PSMG4: variants seen among roughly 807,000 people sequenced by gnomAD.
PSMG4 encodes proteasome assembly chaperone 4.
In PSMG4, 10 loss-of-function variants were observed where a neutral mutation model predicts 11.0. The observed-to-expected ratio is 0.91, with a 90% confidence interval of 0.56 to 1.54. The LOEUF is 1.54. Ranked by LOEUF, PSMG4 falls within the 40% of genes most tolerant of loss-of-function variation. The pLI, the probability that PSMG4 is intolerant of heterozygous loss-of-function variation, is 0.00. For synonymous variants in PSMG4, 95 were observed against 71.3 expected (o/e 1.33, Z -1.68); for missense variants, 198 against 160.9 (o/e 1.23, Z -1.25).
intron 1 of PSMG4, among the ~76,000 whole-genome samples, chr6:3,260,254 C>T (rs902245088): frequency 6.8e-6 from 1 of 146,920 alleles, no homozygotes; most frequent in Non-Finnish European, 1.5e-5. Flanking sequence ...CCATCCTACT[C>T]CAGTATAACC....
intron 2 of PSMG4, chr6:3,264,343 T>G (rs552797673): frequency 2.6e-6 from 4 of 1,546,844 alleles, no homozygotes; most frequent in African/African-American, 1.4e-5. Context: ...TTCCATGTGC[T>G]CTGCGACCCC....
upstream of PSMG4, among the ~76,000 whole-genome samples, chr6:3,254,426 G>T (rs375398397): frequency 1.3e-4 from 20 of 148,212 alleles, no homozygotes; most frequent in East Asian, 1.8e-3. Context: ...GAGGAGGTAT[G>T]GCTTTGTGCT....
chr6:3,255,080 T>G (rs1389359185), upstream of PSMG4: 1 of 1,551,012 alleles, frequency 6.4e-7, no homozygotes. Flanking sequence ...ATGCTTCTAT[T>G]CCTAAGAAGT....
upstream of PSMG4, among the ~76,000 whole-genome samples, chr6:3,257,642 A>G (rs1757810890): frequency 6.6e-6 from 1 of 152,206 alleles, no homozygotes; most frequent in Admixed American, 6.5e-5. Flanking sequence ...AGCTGGACAA[A>G]AAACAGTACA....
chr6:3,254,457 T>TTTG (rs572693140), upstream of PSMG4, among the ~76,000 whole-genome samples: 1,120 of 151,474 alleles, frequency 7.4e-3, 5 homozygotes, highest in Non-Finnish European at 0.011. Flanking sequence ...TCTGCTTTTT[T>TTTG]TGTGTGTCTT....
At chr6:3,259,752 C>G (rs1757905022) in intron 1 of PSMG4, among the ~76,000 whole-genome samples, 1 of 152,204 alleles carries the variant, frequency 6.6e-6, no homozygotes, top group Non-Finnish European at 1.5e-5. Flanking sequence ...GGCACTGCCG[C>G]CAGTCAAAGC....
At chr6:3,254,602 C>A (rs551376175), upstream of PSMG4, among the ~76,000 whole-genome samples, 2 of 152,004 alleles carry the variant, frequency 1.3e-5, no homozygotes, top group East Asian at 1.9e-4. Flanking sequence ...GTAAATAATT[C>A]CAGTAGGCGT....
At chr6:3,259,266 G>A in intron 1 of PSMG4, 70 bp downstream of exon 1, 2 of 1,204,034 alleles carry the variant, frequency 1.7e-6, no homozygotes, top group South Asian at 3.7e-5. Flanking sequence ...TGCGCGAGCT[G>A]CAGCCCCCCA....
chr6:3,258,778 G>C (rs913146184), upstream of PSMG4: 1 of 362,570 alleles, frequency 2.8e-6, no homozygotes, highest in African/African-American at 2.1e-5. Flanking sequence ...ACTGGTGTGC[G>C]GGAGAGGCCA....
chr6:3,254,438 T>C (rs562412166), upstream of PSMG4, among the ~76,000 whole-genome samples: 36 of 110,424 alleles, frequency 3.3e-4, no homozygotes, highest in Non-Finnish European at 6.2e-4. Context: ...CTTTGTGCTG[T>C]AATAGTTTTC....
At chr6:3,261,392 G>T (rs1268865454) in intron 1 of PSMG4, among the ~76,000 whole-genome samples, 1 of 152,050 alleles carries the variant, frequency 6.6e-6, no homozygotes, top group Non-Finnish European at 1.5e-5. Flanking sequence ...CAGGGCTTTG[G>T]GCACTGGTCA....
intron 1 of PSMG4, among the ~76,000 whole-genome samples, chr6:3,260,344 T>C (rs1359031878): frequency 1.5e-5 from 2 of 131,566 alleles, no homozygotes; most frequent in African/African-American, 5.4e-5. Flanking sequence ...CAGGCTGGAG[T>C]GCAATGGCGT....
intron 1 of PSMG4, among the ~76,000 whole-genome samples, chr6:3,260,207 C>T (rs201231986): frequency 1.5e-4 from 22 of 149,688 alleles, no homozygotes; most frequent in Non-Finnish European, 2.5e-4. Flanking sequence ...GAGCCCGACT[C>T]TTCTCATAAG....
upstream of PSMG4, among the ~76,000 whole-genome samples, chr6:3,254,497 T>G (rs994216110): frequency 7.2e-5 from 11 of 152,144 alleles, no homozygotes; most frequent in African/African-American, 2.2e-4. Flanking sequence ...TGGTGGTTTT[T>G]TGTGTATGTG....
At chr6:3,256,371 T>C (rs1319712936), upstream of PSMG4, among the ~76,000 whole-genome samples, 2 of 152,208 alleles carry the variant, frequency 1.3e-5, no homozygotes, top group Admixed American at 1.3e-4. Flanking sequence ...TCCCTTTATT[T>C]TCTGTTCCTG....
chr6:3,255,046 GACAGGA>G (rs1286939095), upstream of PSMG4: 16 of 1,550,368 alleles, frequency 1.0e-5, no homozygotes, highest in Non-Finnish European at 7.8e-6. Flanking sequence ...TGATTCTCTG[GACAGGA>G]ACAAACACAC....
chr6:3,255,271 T>C (rs1227806688), upstream of PSMG4: 6 of 1,543,214 alleles, frequency 3.9e-6, no homozygotes, highest in Non-Finnish European at 5.3e-6. Flanking sequence ...ACCACGGCTG[T>C]CTTACGGGTC....
upstream of PSMG4, among the ~76,000 whole-genome samples, chr6:3,257,072 G>A (rs764924203): frequency 9.9e-5 from 15 of 152,222 alleles, no homozygotes; most frequent in Admixed American, 1.3e-4. Context: ...AGGAAAGATA[G>A]GGTCCAATGA....
Position 3,258,955 on chromosome 6 carries a change from G to A in PSMG4, c.-68G>A. ...TCGGTCTCTCGGTGCTCGCTCCATC[G>A]GGTCTGGCGGGGCTGGCAGCGGCGA... On this transcript the variant is annotated 5_prime_UTR_variant, in exon 1 of 3. Transcript: ENST00000438998. 1 of 1,217,656 alleles carries A rather than the reference G, an allele frequency of 8.2e-7. No individual in the cohort carries two copies. Among genetic ancestry groups the A allele is most frequent in the South Asian group, 4.0e-5 (1 of 24,716 alleles). The allele number at this position is 1,217,656 out of a possible 1,614,324, so 75.4% of individuals were successfully genotyped here.
Sources: gnomAD v4.1 joint callset for allele counts (sites outside exome capture counted in the v4.1 genomes callset) on GRCh38, gnomAD v4.1.1 for gene constraint, MANE v1.5 for transcripts, NCBI Gene and HGNC (gene_info 2026-07-23, HGNC 2026-07-21) for gene names.